Variants in ASAP2 observed in about 807,000 individuals in gnomAD.
ASAP2 encodes the protein arf-GAP with SH3 domain, ANK repeat and PH domain-containing protein 2.
A neutral mutation model predicts 131.4 loss-of-function variants in ASAP2; 45 were observed. That is an observed-to-expected ratio of 0.34 (90% CI 0.27 to 0.44). ASAP2 has a LOEUF of 0.44. Ranked by LOEUF, ASAP2 falls within the 20% of genes least tolerant of loss-of-function variation. ASAP2 has a pLI of 1.00. For missense variants in ASAP2, 1,011 were observed against 1,297.0 expected, an observed-to-expected ratio of 0.78 and a Z score of 3.39; for synonymous variants, 510 against 503.0, an observed-to-expected ratio of 1.01 and a Z score of -0.19.
chr2:9,244,958 G>A (rs947835846), intron 1 of ASAP2, among the ~76,000 whole-genome samples: 1 of 152,134 alleles, frequency 6.6e-6, no homozygotes, highest in Non-Finnish European at 1.5e-5. Flanking sequence ...TGACACGATG[G>A]TGTGTGAGCT....
intron 12 of ASAP2, among the ~76,000 whole-genome samples, chr2:9,354,236 C>T (rs377613521): frequency 5.3e-5 from 8 of 152,228 alleles, no homozygotes; most frequent in Admixed American, 1.3e-4. Flanking sequence ...TCCAGGTCCA[C>T]ATGGCAGGTT....
chr2:9,402,181 T>C (rs973895513), intron 27 of ASAP2, among the ~76,000 whole-genome samples: 2 of 152,214 alleles, frequency 1.3e-5, no homozygotes, highest in Admixed American at 6.5e-5. Context: ...CTGTCTTTAG[T>C]CACTGTCCCT....
At chr2:9,398,078 A>T (rs963674728) in intron 24 of ASAP2, among the ~76,000 whole-genome samples, 1 of 151,876 alleles carries the variant, frequency 6.6e-6, no homozygotes, top group Non-Finnish European at 1.5e-5. Flanking sequence ...ATTTTGTGGC[A>T]CATGAAAATT....
At chr2:9,216,232 A>G (rs1035569710) in intron 1 of ASAP2, among the ~76,000 whole-genome samples, 5 of 151,922 alleles carry the variant, frequency 3.3e-5, no homozygotes, top group Admixed American at 1.3e-4. Context: ...TGCTGTTGCA[A>G]GAGTGTGTTG....
At chr2:9,215,772 A>G (rs1424866366) in intron 1 of ASAP2, among the ~76,000 whole-genome samples, 1 of 151,870 alleles carries the variant, frequency 6.6e-6, no homozygotes, top group Non-Finnish European at 1.5e-5. Context: ...ATTGGTTCTA[A>G]GAGTCTAGCT....
intron 3 of ASAP2, among the ~76,000 whole-genome samples, chr2:9,304,262 T>C (rs1341425462): frequency 6.6e-6 from 1 of 152,178 alleles, no homozygotes; most frequent in African/African-American, 2.4e-5. Context: ...CTGTTTCTGT[T>C]TGAAAGTATT....
At chr2:9,390,509 A>G (rs1675633899) in intron 22 of ASAP2, among the ~76,000 whole-genome samples, 2 of 152,208 alleles carry the variant, frequency 1.3e-5, no homozygotes, top group African/African-American at 4.8e-5. Flanking sequence ...CTTGTGGGTC[A>G]CCTGAACCTG....
At chr2:9,355,686 A>G (rs1016968870) in intron 12 of ASAP2, among the ~76,000 whole-genome samples, 1 of 152,224 alleles carries the variant, frequency 6.6e-6, no homozygotes, top group Non-Finnish European at 1.5e-5. Context: ...ATTCTTTTTA[A>G]AAAAGGTTTT....
intron 7 of ASAP2, among the ~76,000 whole-genome samples, chr2:9,334,039 C>CTTTTTT (rs35495550): frequency 3.8e-5 from 2 of 53,286 alleles, no homozygotes; most frequent in African/African-American, 1.4e-4. Context: ...TGTCTTTCTC[C>CTTTTTT]TTTTTTTTTT....
Position 9,327,899 on chromosome 2 carries a change from A to C in ASAP2, c.674A>C (p.His225Pro), listed in dbSNP as rs751810829. The change falls in exon 7 of 28, where the codon CAT becomes CCT. Residue 225 changes from histidine (H) to proline (P), a missense_variant. Physicochemically the swap from His to Pro is moderately conservative, Grantham distance 77. Around this residue, in one of 2 missense-constraint regions of ASAP2, gnomAD observed 359 missense variants for 598.1 expected, o/e 0.60. Transcript: ENST00000281419. The stretch of plus-strand genomic sequence containing the variant: ...CTTCAGAATCTGATCAAATACTTTC[A>C]TGCCCAATGCAAGTAAGTTCTTCTC... ...DLLQNLIKYF[H>P]AQCNFFQDGL... is the part of the protein sequence containing the mutation. 6.3e-7 allele frequency: 1 copy of C among 1,575,698 alleles called. No individual in the cohort carries two copies. The highest frequency in any genetic ancestry group is 8.6e-7 in the Non-Finnish European group (1 of 1,167,704).
intron 25 of ASAP2, 91 bp from the exon 26 acceptor site, chr2:9,400,651 C>A: frequency 8.2e-7 from 1 of 1,224,076 alleles, no homozygotes. Flanking sequence ...GGGAAACCTG[C>A]TTTCAGACAC....
intron 1 of ASAP2, among the ~76,000 whole-genome samples, chr2:9,242,641 G>A (rs569316913): frequency 3.3e-5 from 5 of 152,320 alleles, no homozygotes; most frequent in Admixed American, 6.5e-5. Flanking sequence ...TCAAAGGAAC[G>A]CAGTCCAGAG....
In ASAP2 at chr2:9,389,625, G is replaced by C. The variant is rs986266823; in HGVS notation, c.2383+1079G>C. On this transcript the variant is annotated intron_variant, in intron 22 of 27. Transcript: ENST00000281419. This position sits in a 1 kb window ranked among gnomAD's most constrained non-coding sequence, Gnocchi z 4.7. ...CAGACCCTCACACGGCTCTGCCCCT[G>C]TCATTCAGGGAGGCCCAGAGAAGTG... 6.6e-6 allele frequency among the ~76,000 whole-genome samples: 1 copy of C among 152,202 alleles called. No homozygotes were observed. The highest frequency in any genetic ancestry group is 2.4e-5 in the African/African-American group (1 of 41,442).
At chr2:9,235,495 G>A (rs1239331218) in intron 1 of ASAP2, among the ~76,000 whole-genome samples, 1 of 151,852 alleles carries the variant, frequency 6.6e-6, no homozygotes, top group African/African-American at 2.4e-5. Flanking sequence ...AAATCATCCT[G>A]CAGCAGTTCT....
intron 2 of ASAP2, among the ~76,000 whole-genome samples, chr2:9,289,652 C>T (rs938182246): frequency 1.6e-4 from 24 of 152,132 alleles, no homozygotes; most frequent in Admixed American, 1.4e-3. Flanking sequence ...ATTGGGGTGA[C>T]GTTTAGTTAT....
At chr2:9,369,793 T>C (rs1175562562) in intron 16 of ASAP2, among the ~76,000 whole-genome samples, 1 of 152,248 alleles carries the variant, frequency 6.6e-6, no homozygotes, top group African/African-American at 2.4e-5. Context: ...ACAATGTCTT[T>C]AAGGGTGGTT....
At chr2:9,362,456 A>G (rs1361913106) in intron 15 of ASAP2, among the ~76,000 whole-genome samples, 1 of 152,164 alleles carries the variant, frequency 6.6e-6, no homozygotes, top group African/African-American at 2.4e-5. Flanking sequence ...ATGTTTTAGT[A>G]TGTTGTATAC....
At position 9,392,212 on chromosome 2, in the gene ASAP2, G is replaced by T. The variant is rs1177955532; in HGVS notation, c.2518+1016G>T. Among the ~76,000 whole-genome samples, 2 of 152,196 alleles carry T rather than the reference G, an allele frequency of 1.3e-5. No homozygotes were observed. The highest frequency in any genetic ancestry group is 4.8e-5 in the African/African-American group (2 of 41,422). ...GAAAGTCCTGAAAACCTTGGGTAAA[G>T]AAGCGGGAGGAGGTTTTTAGGAAGA... is the stretch of plus-strand genomic sequence containing the variant. On this transcript the variant is annotated intron_variant, in intron 23 of 27. Coordinates refer to ENST00000281419, the MANE Select transcript of ASAP2 (RefSeq NM_003887.3). The surrounding 1 kb of genome is among the most constrained non-coding windows in gnomAD (Gnocchi z 4.0).
intron 24 of ASAP2, 58 bp from the exon 25 acceptor site, chr2:9,399,965 G>T: frequency 1.9e-6 from 3 of 1,554,694 alleles, no homozygotes; most frequent in South Asian, 1.1e-5. Flanking sequence ...AAAAGGGGAT[G>T]AGAAAGGGGC....
Sources: gnomAD v4.1 joint callset for allele counts (sites outside exome capture counted in the v4.1 genomes callset) on GRCh38, gnomAD v4.1.1 for gene constraint, gnomAD v4.1.1 regional missense constraint, Gnocchi (gnomAD v3.1) non-coding constraint, MANE v1.5 for transcripts, NCBI Gene and HGNC (gene_info 2026-07-23, HGNC 2026-07-21) for gene names.